The following GRIK1 variants were observed in gnomAD, a reference collection of about 807,000 sequenced individuals.
GRIK1 encodes the protein glutamate ionotropic receptor kainate type subunit 1.
In GRIK1, 69 loss-of-function variants were observed where a neutral mutation model predicts 105.7. That is an observed-to-expected ratio of 0.65 (90% confidence interval 0.54 to 0.80). GRIK1 has a LOEUF of 0.80. GRIK1 is among the 30% of genes least tolerant of loss of function. GRIK1 has a pLI of 0.00. For missense variants in GRIK1, 1,109 were observed against 1,167.3 expected (o/e 0.95, Z 0.73); for synonymous variants, 438 against 431.3 (o/e 1.02, Z -0.19).
At chr21:29,587,345 T>C (rs1453053619) in intron 12 of GRIK1, 21 bp downstream of exon 12, 7 of 1,476,952 alleles carry the variant, frequency 4.7e-6, no homozygotes, top group Non-Finnish European at 6.6e-6. Flanking sequence ...CTCTTGTGAA[T>C]TCAGTGATTC....
intron 1 of GRIK1, among the ~76,000 whole-genome samples, chr21:29,809,587 G>A (rs147031571): frequency 5.5e-4 from 83 of 152,260 alleles, no homozygotes; most frequent in African/African-American, 1.9e-3. Context: ...CTTTATATCA[G>A]CAATAAGGCT....
At chr21:29,878,933 AC>A (rs1417681743) in intron 1 of GRIK1, among the ~76,000 whole-genome samples, 1 of 152,104 alleles carries the variant, frequency 6.6e-6, no homozygotes, top group African/African-American at 2.4e-5. Context: ...TTGATCTTGG[AC>A]TTCCCAGCCT....
rs1011642908 is a variant in GRIK1, at chr21:29,555,306, G to A, written c.2357-4C>T. 7 of 1,611,614 alleles carry A rather than the reference G, an allele frequency of 4.3e-6. No homozygotes were observed. The highest frequency in any genetic ancestry group is 2.7e-5 in the African/African-American group (2 of 74,934). ...ATTTTATCCCGGTAAGGAGAACCTG[G>A]AAGTAAAACCATCTGGATATTGGTC... On this transcript the variant is annotated splice_region_variant and splice_polypyrimidine_tract_variant and intron_variant, in intron 15 of 17. Coordinates refer to ENST00000327783, the MANE Select transcript of GRIK1 (RefSeq NM_001330994.2).
At chr21:29,814,417 G>A (rs1320296008) in intron 1 of GRIK1, among the ~76,000 whole-genome samples, 1 of 152,022 alleles carries the variant, frequency 6.6e-6, no homozygotes, top group Non-Finnish European at 1.5e-5. Context: ...GGTGCTTGGT[G>A]AGCATGCATA....
At chr21:29,872,384 G>A (rs1480601820) in intron 1 of GRIK1, among the ~76,000 whole-genome samples, 2 of 151,832 alleles carry the variant, frequency 1.3e-5, no homozygotes, top group Non-Finnish European at 2.9e-5. Flanking sequence ...TAGTAGAGAC[G>A]GGGTTTCATC....
intron 4 of GRIK1, among the ~76,000 whole-genome samples, chr21:29,656,373 A>G (rs1365777231): frequency 2.0e-5 from 2 of 101,246 alleles, no homozygotes; most frequent in African/African-American, 9.0e-5. Context: ...AAAAAAAAAA[A>G]AAAAAAAAAA....
chr21:29,830,120 T>C (rs991997609), intron 1 of GRIK1, among the ~76,000 whole-genome samples: 1 of 150,848 alleles, frequency 6.6e-6, no homozygotes, highest in Admixed American at 6.6e-5. Context: ...AGCACTGGCT[T>C]GGAAAATCTA....
intron 1 of GRIK1, among the ~76,000 whole-genome samples, chr21:29,894,311 G>A (rs952044261): frequency 1.3e-5 from 2 of 152,132 alleles, no homozygotes; most frequent in African/African-American, 2.4e-5. Context: ...GAAGCCAACA[G>A]TACAGCCTTC....
In GRIK1 at chr21:29,711,867, A is replaced by G. The variant is rs527802521; in HGVS notation, c.119-17804T>C. ...GTAATTTTTTTCTAATGAAAAACAAAGTAGCTCAAGTATGTTACTGAAAAT... is the reference window on the plus strand; with the variant it reads ...GTAATTTTTTTCTAATGAAAAACAAGGTAGCTCAAGTATGTTACTGAAAAT... On this transcript the variant is annotated intron_variant, in intron 1 of 17. Coordinates refer to ENST00000327783, the MANE Select transcript of GRIK1 (RefSeq NM_001330994.2). Among the ~76,000 whole-genome samples, 472 of 152,164 alleles carry G rather than the reference A, an allele frequency of 3.1e-3. 3 individuals are homozygous for G. Among genetic ancestry groups the G allele is most frequent in the Middle Eastern group, 0.017 (5 of 294 alleles).
Position 29,767,830 on chromosome 21 carries a change from GTT to G in GRIK1, c.119-73769_119-73768del, listed in dbSNP as rs1470213373. On this transcript the variant is annotated intron_variant, in intron 1 of 17. Coordinates refer to ENST00000327783, the MANE Select transcript of GRIK1 (RefSeq NM_001330994.2). ...TGTATGTATGTGTGTGTGTGTGTGTGTTTGTGTGTGTGTGTTCTCCTCAGCTG... is the reference window on the plus strand; with the variant it reads ...TGTATGTATGTGTGTGTGTGTGTGTGTGTGTGTGTGTGTTCTCCTCAGCTG... Among the ~76,000 whole-genome samples, 49 of 150,646 alleles carry G rather than the reference GTT, an allele frequency of 3.3e-4. 1 individual carries two copies. Among genetic ancestry groups the G allele is most frequent in the Admixed American group, 7.9e-4 (12 of 15,162 alleles).
intron 1 of GRIK1, among the ~76,000 whole-genome samples, chr21:29,822,807 C>G: frequency 6.6e-6 from 1 of 151,978 alleles, no homozygotes; most frequent in East Asian, 1.9e-4. Context: ...CTTTTATATG[C>G]AAGAGAAATA....
At chr21:29,586,322 C>T (rs1261810715) in intron 12 of GRIK1, among the ~76,000 whole-genome samples, 2 of 152,130 alleles carry the variant, frequency 1.3e-5, no homozygotes, top group Non-Finnish European at 2.9e-5. Flanking sequence ...GTATGTCTGC[C>T]TTGTGGATCT....
chr21:29,614,068 C>T (rs981664757), intron 7 of GRIK1, among the ~76,000 whole-genome samples: 5 of 152,192 alleles, frequency 3.3e-5, no homozygotes, highest in African/African-American at 4.8e-5. Context: ...AGATAACAAC[C>T]CCTAGCATGG....
rs187279919 is a variant in GRIK1, at chr21:29,811,162, T to C, written c.119-117099A>G. Reference sequence around the variant, plus strand: ...CATTCCATCGCATTCTTGGTGAAATTAGATTCTTTGGAAACTAAATCAAGC... The same window carrying C: ...CATTCCATCGCATTCTTGGTGAAATCAGATTCTTTGGAAACTAAATCAAGC... On this transcript the variant is annotated intron_variant, in intron 1 of 17. Transcript: ENST00000327783. 1.4e-3 allele frequency among the ~76,000 whole-genome samples: 206 copies of C among 152,222 alleles called. 1 individual carries two copies. Among genetic ancestry groups the C allele is most frequent in the African/African-American group, 4.7e-3 (195 of 41,556 alleles).
chr21:29,664,520 AAAT>A (rs1323429595), intron 4 of GRIK1, among the ~76,000 whole-genome samples: 5 of 152,180 alleles, frequency 3.3e-5, no homozygotes, highest in Non-Finnish European at 7.3e-5. Context: ...AACCTTCACT[AAAT>A]AATGATCTCG....
At chr21:29,681,422 A>T (rs2063374074) in intron 3 of GRIK1, among the ~76,000 whole-genome samples, 1 of 151,812 alleles carries the variant, frequency 6.6e-6, no homozygotes, top group Admixed American at 6.6e-5. Flanking sequence ...TGATCCATCC[A>T]CCCTGGCCTC....
intron 3 of GRIK1, among the ~76,000 whole-genome samples, chr21:29,684,286 CT>C (rs375982517): frequency 6.9e-6 from 1 of 144,310 alleles, no homozygotes; most frequent in Admixed American, 6.8e-5. Context: ...ATCTATCTAT[CT>C]ATCTATCTAT....
intron 1 of GRIK1, among the ~76,000 whole-genome samples, chr21:29,733,929 ATAAT>A (rs1286073517): frequency 6.6e-6 from 1 of 152,122 alleles, no homozygotes; most frequent in African/African-American, 2.4e-5. Context: ...ATACAGTGAA[ATAAT>A]TAGTTTTACT....
At chr21:29,939,329 G>T in intron 1 of GRIK1, 54 bp downstream of exon 1, 3 of 1,073,468 alleles carry the variant, frequency 2.8e-6, no homozygotes, top group Non-Finnish European at 4.2e-6. Context: ...CTACACCCGC[G>T]TTGGTGCGGC....
Sources: allele counts gnomAD v4.1 joint callset (sites outside exome capture counted in the v4.1 genomes callset), GRCh38; gene constraint gnomAD v4.1.1; transcripts MANE v1.5; gene names NCBI Gene and HGNC (gene_info 2026-07-23, HGNC 2026-07-21).